ST8SIA2: variants seen among roughly 807,000 people sequenced by gnomAD.
ST8SIA2 encodes alpha-2,8-sialyltransferase 8B.
ST8SIA2 carries 22 observed loss-of-function variants against 37.6 expected under a neutral mutation model. The observed-to-expected ratio is 0.58, with a 90% CI of 0.42 to 0.83. The LOEUF (loss-of-function observed/expected upper bound fraction) is 0.83. Ranked by LOEUF, ST8SIA2 falls within the 40% of genes least tolerant of loss-of-function variation. The pLI is 0.00. For synonymous variants in ST8SIA2, 205 were observed against 201.2 expected, an observed-to-expected ratio of 1.02 and a Z score of -0.16; for missense variants, 382 against 484.7, an observed-to-expected ratio of 0.79 and a Z score of 1.99.
At chr15:92,397,570 G>A (rs1487330237) in intron 1 of ST8SIA2, among the ~76,000 whole-genome samples, 1 of 152,198 alleles carries the variant, frequency 6.6e-6, no homozygotes, top group Non-Finnish European at 1.5e-5. Flanking sequence ...ATTGGGTGGG[G>A]CTTTGGTAAA....
chr15:92,430,576 T>C (rs903053575), intron 2 of ST8SIA2, among the ~76,000 whole-genome samples: 1 of 152,248 alleles, frequency 6.6e-6, no homozygotes, highest in Non-Finnish European at 1.5e-5. Context: ...ACCCTGATTA[T>C]TGAACGTACG....
intron 3 of ST8SIA2, among the ~76,000 whole-genome samples, chr15:92,436,362 G>A (rs1002508579): frequency 2.0e-5 from 3 of 151,946 alleles, no homozygotes; most frequent in South Asian, 2.1e-4. Context: ...TTGTGAAGAC[G>A]AGACTGTGTC....
chr15:92,451,717 C>G (rs1207747944), intron 5 of ST8SIA2, among the ~76,000 whole-genome samples: 1 of 152,184 alleles, frequency 6.6e-6, no homozygotes, highest in Non-Finnish European at 1.5e-5. Flanking sequence ...ATGCCGCACG[C>G]CATGCCAAGT....
intron 1 of ST8SIA2, among the ~76,000 whole-genome samples, chr15:92,424,551 G>A (rs545531998): frequency 2.6e-5 from 4 of 151,096 alleles, no homozygotes; most frequent in East Asian, 1.9e-4. Context: ...TACTATCATC[G>A]TTTACTGTGT....
intron 1 of ST8SIA2, among the ~76,000 whole-genome samples, chr15:92,403,868 A>G (rs182126783): frequency 6.6e-6 from 1 of 152,314 alleles, no homozygotes; most frequent in East Asian, 1.9e-4. Flanking sequence ...AGGAGAAGCA[A>G]AGAGAAGGGC....
At position 92,443,687 on chromosome 15, in the gene ST8SIA2, G is replaced by A. The variant is rs1434863949; in HGVS notation, c.549-949G>A. ...CATCTCCTCCACACAATATGCTCCA[G>A]TCGGACCAGATCACTTGCCTTTCCC... On this transcript the variant is annotated intron_variant, in intron 4 of 5. Coordinates refer to ENST00000268164, the MANE Select transcript of ST8SIA2 (RefSeq NM_006011.4). Among the ~76,000 whole-genome samples, 3 of 152,134 alleles carry A rather than the reference G, an allele frequency of 2.0e-5. No individual in the cohort carries two copies. The East Asian group carries it at 5.8e-4, about 29-fold the overall frequency.
chr15:92,434,594 G>A (rs760067655), intron 3 of ST8SIA2, among the ~76,000 whole-genome samples: 2 of 152,368 alleles, frequency 1.3e-5, no homozygotes, highest in East Asian at 3.9e-4. Context: ...GCGGTGGCAG[G>A]AACACCCGCT....
At chr15:92,432,155 G>A (rs1208336124) in intron 2 of ST8SIA2, among the ~76,000 whole-genome samples, 1 of 152,144 alleles carries the variant, frequency 6.6e-6, no homozygotes, top group East Asian at 1.9e-4. Context: ...AGACACCAGA[G>A]CCCAGTCACT....
chr15:92,448,837 C>A (rs2049861540), intron 5 of ST8SIA2, among the ~76,000 whole-genome samples: 3 of 152,098 alleles, frequency 2.0e-5, no homozygotes, highest in Admixed American at 6.5e-5. Context: ...CTCATGAGTT[C>A]TTCACCTTGA....
At chr15:92,399,069 G>A (rs1164621600) in intron 1 of ST8SIA2, among the ~76,000 whole-genome samples, 1 of 152,098 alleles carries the variant, frequency 6.6e-6, no homozygotes, top group Non-Finnish European at 1.5e-5. Flanking sequence ...ACCCCAACCT[G>A]TTACACAAGG....
chr15:92,401,213 G>A (rs1323009832), intron 1 of ST8SIA2, among the ~76,000 whole-genome samples: 6 of 152,204 alleles, frequency 3.9e-5, no homozygotes, highest in Non-Finnish European at 5.9e-5. Context: ...CCAGGGCGTG[G>A]GGACAAGCTC....
At position 92,463,340 on chromosome 15, in the gene ST8SIA2, G is replaced by T. The variant is rs575633743; in HGVS notation, c.843-760G>T. ...AAGATGTAGTGAGCAGTCTTTAGAA[G>T]AAAGAGAGTGGGCAGAACCCAGCCT... On this transcript the variant is annotated intron_variant, in intron 5 of 5. Transcript: ENST00000268164. 2.6e-5 allele frequency among the ~76,000 whole-genome samples: 4 copies of T among 152,346 alleles called. No individual in the cohort carries two copies. In the South Asian group the frequency reaches 8.3e-4, roughly 32 times the overall value.
Position 92,443,283 on chromosome 15 carries a change from A to G in ST8SIA2, c.549-1353A>G, listed in dbSNP as rs569175830. Reference sequence around the variant, plus strand: ...TCCACCATTAAATCCTCTGTGCCAGACAGCAGCCAGACCTCCCCTGCAGTG... The same window carrying G: ...TCCACCATTAAATCCTCTGTGCCAGGCAGCAGCCAGACCTCCCCTGCAGTG... On this transcript the variant is annotated intron_variant, in intron 4 of 5. Transcript: ENST00000268164. Among the ~76,000 whole-genome samples the G allele has an allele frequency of 2.0e-5, 3 of 152,292 alleles. No homozygotes were observed. In the South Asian group the frequency reaches 6.2e-4, roughly 32 times the overall value.
intron 5 of ST8SIA2, among the ~76,000 whole-genome samples, chr15:92,454,434 G>A (rs986722947): frequency 2.0e-5 from 3 of 152,022 alleles, no homozygotes; most frequent in African/African-American, 7.2e-5. Flanking sequence ...CCAAGGTACT[G>A]GGGGTTAAAA....
intron 5 of ST8SIA2, among the ~76,000 whole-genome samples, chr15:92,463,060 G>A (rs2049968198): frequency 6.6e-6 from 1 of 152,224 alleles, no homozygotes; most frequent in African/African-American, 2.4e-5. Flanking sequence ...AGGTTCAGCA[G>A]AGAGATGTGA....
chr15:92,413,928 A>T (rs1463211338), intron 1 of ST8SIA2, among the ~76,000 whole-genome samples: 1 of 152,210 alleles, frequency 6.6e-6, no homozygotes, highest in African/African-American at 2.4e-5. Context: ...GGCACCGTCT[A>T]TAGGCACCAG....
chr15:92,457,490 T>C (rs145686308), intron 5 of ST8SIA2, among the ~76,000 whole-genome samples: 76 of 152,338 alleles, frequency 5.0e-4, no homozygotes, highest in African/African-American at 1.8e-3. Flanking sequence ...CTTTGGCTTC[T>C]AATTAAAATC....
chr15:92,405,728 A>G (rs1379179950), intron 1 of ST8SIA2, among the ~76,000 whole-genome samples: 2 of 152,126 alleles, frequency 1.3e-5, no homozygotes, highest in Non-Finnish European at 2.9e-5. Flanking sequence ...ACAAATCATC[A>G]CTTTGTTGTA....
At chr15:92,427,360 G>T (rs778633736) in intron 1 of ST8SIA2, among the ~76,000 whole-genome samples, 1 of 150,482 alleles carries the variant, frequency 6.6e-6, no homozygotes, top group Non-Finnish European at 1.5e-5. Flanking sequence ...CTTGGCCAAA[G>T]CCTGAAATAT....
Sources: gnomAD v4.1 joint callset for allele counts (sites outside exome capture counted in the v4.1 genomes callset) on GRCh38, gnomAD v4.1.1 for gene constraint, MANE v1.5 for transcripts, NCBI Gene and HGNC (gene_info 2026-07-23, HGNC 2026-07-21) for gene names.